MGST3: variants seen among roughly 807,000 people sequenced by gnomAD.
The protein encoded by MGST3 is glutathione S-transferase 3, mitochondrial.
In MGST3, 13 loss-of-function variants were observed where a neutral mutation model predicts 15.8. That is an observed-to-expected ratio of 0.82 (90% CI 0.54 to 1.31). The LOEUF (loss-of-function observed/expected upper bound fraction) is 1.31, where lower values mean the gene tolerates loss of function less well. Ranked by LOEUF, MGST3 falls within the 50% of genes most tolerant of loss-of-function variation. The pLI, the probability that MGST3 is intolerant of heterozygous loss-of-function variation, is 0.00. For missense variants in MGST3, 155 were observed against 192.4 expected (o/e 0.81, Z 1.15); for synonymous variants, 49 against 68.1 (o/e 0.72, Z 1.38).
chr1:165,637,665 C>T (rs967471798), intron 1 of MGST3, among the ~76,000 whole-genome samples: 5 of 152,170 alleles, frequency 3.3e-5, no homozygotes, highest in African/African-American at 1.2e-4. Context: ...GGTTGAGCAA[C>T]ATTTTGGTAT....
chr1:165,638,793 T>TCAAAAAA (rs144430330), intron 1 of MGST3, among the ~76,000 whole-genome samples: 4 of 144,502 alleles, frequency 2.8e-5, no homozygotes, highest in South Asian at 4.3e-4. Context: ...AGACTCCGTC[T>TCAAAAAA]TAAAAAAAAA....
At chr1:165,644,309 T>C (rs1411054787) in intron 1 of MGST3, among the ~76,000 whole-genome samples, 1 of 152,234 alleles carries the variant, frequency 6.6e-6, no homozygotes, top group Non-Finnish European at 1.5e-5. Context: ...CTATTGCTTC[T>C]AGGCTGCAAA....
chr1:165,632,643 A>G (rs529532612), intron 1 of MGST3, among the ~76,000 whole-genome samples: 2 of 152,248 alleles, frequency 1.3e-5, no homozygotes, highest in South Asian at 2.1e-4. Flanking sequence ...CAATGTTACT[A>G]TATATAAATC....
At chr1:165,650,226 T>G in intron 2 of MGST3, 1 of 500,568 alleles carries the variant, frequency 2.0e-6, no homozygotes. Flanking sequence ...AATAGTACAC[T>G]TCTGCTTGGA....
At position 165,635,552 on chromosome 1, in the gene MGST3, C is replaced by T. The variant is rs9333397; in HGVS notation, c.-8+4259C>T. On this transcript the variant is annotated intron_variant, in intron 1 of 5. Coordinates refer to ENST00000367889, the MANE Select transcript of MGST3 (RefSeq NM_004528.4). ...TTGAGCATCCTGCTGATCTTCCCTC[C>T]CCCACTCCCAGCCAGTGCAGCCATG... is the stretch of plus-strand genomic sequence containing the variant. Among the ~76,000 whole-genome samples, 1,492 of 152,284 alleles carry T rather than the reference C, an allele frequency of 9.8e-3. 52 individuals carry two copies. Among genetic ancestry groups the T allele is most frequent in the Admixed American group, 0.059 (903 of 15,298 alleles).
At chr1:165,654,660 C>T (rs962606394) in intron 5 of MGST3, among the ~76,000 whole-genome samples, 3 of 152,084 alleles carry the variant, frequency 2.0e-5, no homozygotes, top group Admixed American at 2.0e-4. Context: ...TACTACACTC[C>T]AGCCTGGGAG....
Position 165,652,020 on chromosome 1 carries a change from AG to A in MGST3, c.236del (p.Gly79ValfsTer7). On this transcript the variant is annotated frameshift_variant, in exon 4 of 6. Coordinates refer to ENST00000367889, the MANE Select transcript of MGST3 (RefSeq NM_004528.4). LOFTEE classifies it high-confidence loss of function. ...CCTTCTTATTTTTTCTAGCTGTTGGAGGTGTTTACCACCCGGTAAGTTTTCC... is the reference window on the plus strand; with the variant it reads ...CCTTCTTATTTTTTCTAGCTGTTGGAGTGTTTACCACCCGGTAAGTTTTCC... ...PPFLFFLAVG[G>X]VYHPRIASGL... 6.2e-7 allele frequency: 1 copy of A among 1,612,356 alleles called. No individual in the cohort carries two copies. The highest frequency in any genetic ancestry group is 1.1e-5 in the South Asian group (1 of 91,026).
chr1:165,637,688 G>C lies in MGST3; in HGVS notation c.-8+6395G>C, dbSNP rs191105401. Among the ~76,000 whole-genome samples the C allele has an allele frequency of 2.2e-3, 335 of 152,306 alleles. 2 individuals are homozygous for C. Among genetic ancestry groups the C allele is most frequent in the African/African-American group, 7.7e-3 (320 of 41,554 alleles). On this transcript the variant is annotated intron_variant, in intron 1 of 5. Coordinates refer to ENST00000367889, the MANE Select transcript of MGST3 (RefSeq NM_004528.4). ...AACATTTTGGTATTTGAATAGCTGTGTTCCCAGGAAACTCTGTCAGTAAAA... is the reference window on the plus strand; with the variant it reads ...AACATTTTGGTATTTGAATAGCTGTCTTCCCAGGAAACTCTGTCAGTAAAA...
intron 1 of MGST3, among the ~76,000 whole-genome samples, chr1:165,640,594 T>G (rs1648236691): frequency 6.6e-6 from 1 of 152,172 alleles, no homozygotes; most frequent in South Asian, 2.1e-4. Flanking sequence ...CTAACATGAC[T>G]GAACCAGAAA....
intron 1 of MGST3, among the ~76,000 whole-genome samples, chr1:165,636,526 A>C (rs1270505386): frequency 6.6e-6 from 1 of 152,164 alleles, no homozygotes; most frequent in African/African-American, 2.4e-5. Context: ...ACCTGAGGTC[A>C]GGAGTTCGAG....
chr1:165,632,404 C>A (rs554668864), intron 1 of MGST3: 2 of 860,228 alleles, frequency 2.3e-6, no homozygotes, highest in Non-Finnish European at 3.8e-6. Flanking sequence ...CTGGGAGGCA[C>A]CCCAGGTTAT....
intron 3 of MGST3, chr1:165,651,622 GC>G (rs1381913751): frequency 6.3e-6 from 2 of 318,968 alleles, no homozygotes; most frequent in Non-Finnish European, 1.2e-5. Context: ...CATAGTGCTG[GC>G]TGGGTGAGGT....
At chr1:165,632,399 A>G (rs1647979371) in intron 1 of MGST3, 2 of 901,286 alleles carry the variant, frequency 2.2e-6, no homozygotes, top group Non-Finnish European at 3.6e-6. Context: ...CAGTTCTGGG[A>G]GGCACCCCAG....
At chr1:165,638,869 C>A (rs1444257719) in intron 1 of MGST3, among the ~76,000 whole-genome samples, 1 of 151,572 alleles carries the variant, frequency 6.6e-6, no homozygotes, top group African/African-American at 2.4e-5. Flanking sequence ...TCTGTGGAAA[C>A]CAGCCACTAA....
Position 165,647,901 on chromosome 1 carries a change from C to G in MGST3, c.-7-1940C>G, listed in dbSNP as rs9333459. The G allele has an allele frequency of 1.6e-3, 242 of 152,284 alleles. 3 individuals carry two copies. The highest frequency in any genetic ancestry group is 3.4e-3 in the Middle Eastern group (1 of 296). 9.4% of individuals were successfully genotyped at this position (152,284 alleles called of 1,614,324 possible). On this transcript the variant is annotated intron_variant, in intron 1 of 5. Coordinates refer to ENST00000367889, the MANE Select transcript of MGST3 (RefSeq NM_004528.4). ...CCCAGGCTGCCTGGCCTCAAGTGTTCCTTCCACCTTGGCCTCCCAAATTGT... is the reference window on the plus strand; with the variant it reads ...CCCAGGCTGCCTGGCCTCAAGTGTTGCTTCCACCTTGGCCTCCCAAATTGT...
chr1:165,642,821 T>A (rs1215265935), intron 1 of MGST3, among the ~76,000 whole-genome samples: 1 of 152,202 alleles, frequency 6.6e-6, no homozygotes, highest in African/African-American at 2.4e-5. Flanking sequence ...TGCAGACAAT[T>A]TGATTCCAAA....
intron 2 of MGST3, 26 bp downstream of exon 2, chr1:165,649,990 C>CT: frequency 7.4e-6 from 12 of 1,613,242 alleles, no homozygotes; most frequent in Non-Finnish European, 9.3e-6. Context: ...AGCTGGTGCC[C>CT]TTGTAGGCTT....
In MGST3 at chr1:165,645,503, C is replaced by G. The variant is rs111546110; in HGVS notation, c.-7-4338C>G. Reference sequence around the variant, plus strand: ...TTTTTTTTAATAAGTAGAAGGAATACACTATAATGCTAAAAAGTATAGTAT... The same window carrying G: ...TTTTTTTTAATAAGTAGAAGGAATAGACTATAATGCTAAAAAGTATAGTAT... On this transcript the variant is annotated intron_variant, in intron 1 of 5. Transcript: ENST00000367889. Among the ~76,000 whole-genome samples, 1,032 of 152,188 alleles carry G rather than the reference C, an allele frequency of 6.8e-3. 15 individuals are homozygous for G. Among genetic ancestry groups the G allele is most frequent in the African/African-American group, 0.022 (921 of 41,514 alleles).
chr1:165,639,581 C>T (rs1335096084), intron 1 of MGST3, among the ~76,000 whole-genome samples: 7 of 152,036 alleles, frequency 4.6e-5, no homozygotes, highest in Admixed American at 3.3e-4. Flanking sequence ...GGCAGGTGGA[C>T]TGCTTGAGGT....
Sources: gnomAD v4.1 joint callset for allele counts (sites outside exome capture counted in the v4.1 genomes callset) on GRCh38, gnomAD v4.1.1 for gene constraint, MANE v1.5 for transcripts, NCBI Gene and HGNC (gene_info 2026-07-23, HGNC 2026-07-21) for gene names.